The following MB21D2 variants were observed in gnomAD, a reference collection of about 807,000 sequenced individuals.
MB21D2 encodes Mab-21 domain containing 2.
Under a neutral mutation model 33.3 loss-of-function variants are expected in MB21D2, and 9 were observed. That is an observed-to-expected ratio of 0.27 (90% CI 0.16 to 0.47). The LOEUF (loss-of-function observed/expected upper bound fraction) is 0.47, where lower values mean the gene tolerates loss of function less well. Ranked by LOEUF, MB21D2 falls within the 20% of genes least tolerant of loss-of-function variation. The probability of loss-of-function intolerance (pLI) is 0.99; values close to 1 mark genes in which losing one functional copy is unlikely to be tolerated. For missense variants in MB21D2, 540 were observed against 624.6 expected (o/e 0.86, Z 1.44); for synonymous variants, 241 against 236.3 (o/e 1.02, Z -0.18).
At chr3:192,850,621 T>G (rs1273888670) in intron 1 of MB21D2, among the ~76,000 whole-genome samples, 1 of 152,184 alleles carries the variant, frequency 6.6e-6, no homozygotes, top group Non-Finnish European at 1.5e-5. Context: ...TGAAAACCTT[T>G]GGCCTCAGGC....
At chr3:192,885,027 A>G (rs1338311882) in intron 1 of MB21D2, among the ~76,000 whole-genome samples, 1 of 152,074 alleles carries the variant, frequency 6.6e-6, no homozygotes, top group Non-Finnish European at 1.5e-5. Flanking sequence ...AAGATTAGAG[A>G]TATTTGAGAA....
At chr3:192,813,566 C>A (rs1384369152) in intron 1 of MB21D2, among the ~76,000 whole-genome samples, 1 of 151,998 alleles carries the variant, frequency 6.6e-6, no homozygotes, top group Non-Finnish European at 1.5e-5. Context: ...CAGAGAATGG[C>A]CACAATCATT....
chr3:192,820,796 G>A (rs905140681), intron 1 of MB21D2, among the ~76,000 whole-genome samples: 6 of 152,098 alleles, frequency 3.9e-5, no homozygotes, highest in South Asian at 2.1e-4. Context: ...ACAGGGGCTC[G>A]CTCTGTCACC....
Position 192,880,526 on chromosome 3 carries a change from G to A in MB21D2, c.211+37104C>T, listed in dbSNP as rs145079953. Among the ~76,000 whole-genome samples the A allele has an allele frequency of 9.0e-4, 137 of 151,976 alleles. 2 individuals are homozygous for A. The highest frequency in any genetic ancestry group is 4.8e-3 in the South Asian group (23 of 4,826). ...CCAAAGCCTCAACGGGGTGTCTGGC[G>A]TCCAGTGAGCCTTCATACTCCAACC... On this transcript the variant is annotated intron_variant, in intron 1 of 1. Coordinates refer to ENST00000392452, the MANE Select transcript of MB21D2 (RefSeq NM_178496.4).
At chr3:192,835,883 TGATTACAG>T in intron 1 of MB21D2, among the ~76,000 whole-genome samples, 1 of 151,590 alleles carries the variant, frequency 6.6e-6, no homozygotes, top group Non-Finnish European at 1.5e-5. Context: ...AAAAAGCTTT[TGATTACAG>T]GATGTCACTA....
At chr3:192,888,722 C>T (rs1035061755) in intron 1 of MB21D2, among the ~76,000 whole-genome samples, 2 of 151,528 alleles carry the variant, frequency 1.3e-5, no homozygotes, top group Non-Finnish European at 2.9e-5. Context: ...ACTTATTTCA[C>T]CTAAAACATT....
At chr3:192,878,153 G>A (rs1341693739) in intron 1 of MB21D2, among the ~76,000 whole-genome samples, 3 of 141,576 alleles carry the variant, frequency 2.1e-5, no homozygotes, top group Admixed American at 7.2e-5. Context: ...AGGCTGGAGT[G>A]CAGTGGCGCA....
chr3:192,891,609 T>G (rs2108647269), intron 1 of MB21D2, among the ~76,000 whole-genome samples: 1 of 152,264 alleles, frequency 6.6e-6, no homozygotes, highest in South Asian at 2.1e-4. Flanking sequence ...TGACACTGTT[T>G]AACATGATGC....
intron 1 of MB21D2, among the ~76,000 whole-genome samples, chr3:192,812,040 G>GT (rs916933786): frequency 1.4e-4 from 21 of 151,418 alleles, no homozygotes; most frequent in Non-Finnish European, 2.1e-4. Context: ...TGCGTGTTTT[G>GT]TTTTTTTTGC....
At chr3:192,805,123 A>G (rs968849241) in intron 1 of MB21D2, among the ~76,000 whole-genome samples, 1 of 152,220 alleles carries the variant, frequency 6.6e-6, no homozygotes, top group African/African-American at 2.4e-5. Context: ...TGATCTCCCC[A>G]TGACAATGCA....
intron 1 of MB21D2, among the ~76,000 whole-genome samples, chr3:192,825,996 A>T (rs1712166423): frequency 6.6e-6 from 1 of 152,226 alleles, no homozygotes; most frequent in African/African-American, 2.4e-5. Flanking sequence ...GGTGTGGTCT[A>T]GCAGCAACAG....
At chr3:192,854,097 T>C (rs893924829) in intron 1 of MB21D2, among the ~76,000 whole-genome samples, 13 of 152,216 alleles carry the variant, frequency 8.5e-5, no homozygotes, top group African/African-American at 3.1e-4. Flanking sequence ...AAGAGACACA[T>C]GTCCTTCACC....
chr3:192,805,461 T>C (rs910495631), intron 1 of MB21D2, among the ~76,000 whole-genome samples: 1 of 152,238 alleles, frequency 6.6e-6, no homozygotes, highest in Non-Finnish European at 1.5e-5. Flanking sequence ...CAACTGCATA[T>C]AATTTTATTT....
intron 1 of MB21D2, among the ~76,000 whole-genome samples, chr3:192,881,728 G>A (rs777516644): frequency 2.0e-5 from 3 of 152,076 alleles, no homozygotes; most frequent in South Asian, 2.1e-4. Context: ...GAAACCTGGC[G>A]GCACTGGCCA....
At chr3:192,894,704 C>T (rs946512592) in intron 1 of MB21D2, among the ~76,000 whole-genome samples, 4 of 151,972 alleles carry the variant, frequency 2.6e-5, no homozygotes, top group South Asian at 2.1e-4. Flanking sequence ...GATGAATCTC[C>T]GTCCCTCCAC....
chr3:192,802,939 C>T (rs933159293), intron 1 of MB21D2, among the ~76,000 whole-genome samples: 3 of 152,156 alleles, frequency 2.0e-5, no homozygotes, highest in South Asian at 2.1e-4. Flanking sequence ...TCCTCTTAGG[C>T]GTAACTAACT....
chr3:192,917,355 C>T (rs1332034294), intron 1 of MB21D2, among the ~76,000 whole-genome samples: 1 of 152,228 alleles, frequency 6.6e-6, no homozygotes, highest in Non-Finnish European at 1.5e-5. Flanking sequence ...GCCTCACCTG[C>T]CTGCCAGCCC....
chr3:192,865,971 G>C (rs969327443), intron 1 of MB21D2, among the ~76,000 whole-genome samples: 15 of 152,056 alleles, frequency 9.9e-5, no homozygotes, highest in African/African-American at 3.6e-4. Flanking sequence ...CTGGGGCCGG[G>C]GAGGTTGTTG....
intron 1 of MB21D2, among the ~76,000 whole-genome samples, chr3:192,898,676 T>C (rs1205104677): frequency 6.6e-6 from 1 of 152,168 alleles, no homozygotes; most frequent in East Asian, 1.9e-4. Context: ...CAGAAACAGA[T>C]ACACAAAAGG....
Sources: allele counts gnomAD v4.1 joint callset (sites outside exome capture counted in the v4.1 genomes callset), GRCh38; gene constraint gnomAD v4.1.1; transcripts MANE v1.5; gene names NCBI Gene and HGNC (gene_info 2026-07-23, HGNC 2026-07-21).